Variants in SLC60A2 observed in about 807,000 individuals in gnomAD.
SLC60A2 encodes the protein major facilitator superfamily domain containing 4B.
At chr6:111,262,324 G>A in the SLC60A2 span, 1 of 1,614,080 alleles carries the variant, frequency 6.2e-7, no homozygotes, top group Non-Finnish European at 8.5e-7. Context: ...CGAAATATCA[G>A]TAGTCTGTCT....
the SLC60A2 span, chr6:111,266,089 T>A: frequency 6.2e-7 from 1 of 1,614,108 alleles, no homozygotes; most frequent in Non-Finnish European, 8.5e-7. Flanking sequence ...CTGTTTGGAG[T>A]ACCTAATGAT....
chr6:111,271,775 T>TAAAAAAAAAAAAAAAAAAAAAAA, the SLC60A2 span, among the ~76,000 whole-genome samples: 1 of 18,836 alleles, frequency 5.3e-5, no homozygotes, highest in Non-Finnish European at 9.4e-5. Context: ...CCATCTCTAC[T>TAAAAAAAAAAAAAAAAAAAAAAA]AAAAAAAAAA....
At chr6:111,272,778 C>T in the SLC60A2 span, among the ~76,000 whole-genome samples, 338 of 150,704 alleles carry the variant, frequency 2.2e-3, 1 homozygote, top group African/African-American at 7.9e-3. Flanking sequence ...TCTCAAAGTT[C>T]TGGGATTACA....
the SLC60A2 span, chr6:111,269,973 G>A: frequency 7.0e-6 from 1 of 142,460 alleles, no homozygotes; most frequent in East Asian, 2.0e-4. Flanking sequence ...ATAGACATTT[G>A]GTAATGTCTG....
At chr6:111,266,721 C>G in the SLC60A2 span, 1 of 1,614,018 alleles carries the variant, frequency 6.2e-7, no homozygotes, top group Non-Finnish European at 8.5e-7. Context: ...GCCTGTAGTT[C>G]TGTATACCTC....
At chr6:111,278,914 ATG>A in the SLC60A2 span, among the ~76,000 whole-genome samples, 5 of 152,208 alleles carry the variant, frequency 3.3e-5, no homozygotes, top group Non-Finnish European at 7.3e-5. Context: ...TGATTGCAAA[ATG>A]TGTTCTTGTC....
At chr6:111,263,755 T>C in the SLC60A2 span, 1 of 741,744 alleles carries the variant, frequency 1.3e-6, no homozygotes. Flanking sequence ...TTTGCATGTT[T>C]GGACATTTAT....
the SLC60A2 span, chr6:111,259,775 G>C: frequency 1.3e-6 from 2 of 1,533,234 alleles, no homozygotes; most frequent in African/African-American, 1.4e-5. Flanking sequence ...TTCGAGTCTT[G>C]CCTTCGCCAC....
the SLC60A2 span, chr6:111,265,329 C>G: frequency 1.0e-6 from 1 of 984,626 alleles, no homozygotes; most frequent in Non-Finnish European, 1.2e-6. Flanking sequence ...GACGTTTAGA[C>G]AGTATAAATT....
At chr6:111,266,069 C>T in the SLC60A2 span, 1 of 1,614,140 alleles carries the variant, frequency 6.2e-7, no homozygotes, top group Non-Finnish European at 8.5e-7. Flanking sequence ...CTGATGCTGA[C>T]TCAGAAGCTC....
the SLC60A2 span, among the ~76,000 whole-genome samples, chr6:111,273,057 C>T: frequency 6.6e-6 from 1 of 152,308 alleles, no homozygotes; most frequent in Non-Finnish European, 1.5e-5. Flanking sequence ...TCTCGAACTC[C>T]CGACCTCAGG....
At chr6:111,264,922 C>T in the SLC60A2 span, among the ~76,000 whole-genome samples, 3 of 151,878 alleles carry the variant, frequency 2.0e-5, no homozygotes, top group African/African-American at 7.3e-5. Context: ...GGAGAAACCG[C>T]GTCTCTACTA....
the SLC60A2 span, chr6:111,262,294 AT>A: frequency 6.2e-7 from 1 of 1,614,088 alleles, no homozygotes. Context: ...ACGTTTCAAG[AT>A]TTGGCAACAA....
chr6:111,274,089 C>T, the SLC60A2 span, among the ~76,000 whole-genome samples: 2 of 152,112 alleles, frequency 1.3e-5, no homozygotes, highest in Admixed American at 6.6e-5. Context: ...CTCCTGGGCT[C>T]AAGCATTCCT....
chr6:111,267,956 A>G, the SLC60A2 span: 2 of 152,266 alleles, frequency 1.3e-5, no homozygotes, highest in African/African-American at 4.8e-5. Context: ...TCGGGCTTCA[A>G]GCCTTGACTT....
the SLC60A2 span, among the ~76,000 whole-genome samples, chr6:111,261,656 C>T: frequency 1.9e-4 from 29 of 152,072 alleles, no homozygotes; most frequent in Non-Finnish European, 3.5e-4. Context: ...TGCAATGGTG[C>T]AGTCTCGGCT....
the SLC60A2 span, among the ~76,000 whole-genome samples, chr6:111,272,396 G>A: frequency 2.5e-4 from 38 of 151,912 alleles, no homozygotes; most frequent in Non-Finnish European, 5.0e-4. Flanking sequence ...ATTTCTTTGT[G>A]TTAGGAAAAT....
At chr6:111,266,851 C>G in the SLC60A2 span, 1 of 1,613,826 alleles carries the variant, frequency 6.2e-7, no homozygotes, top group African/African-American at 1.3e-5. Flanking sequence ...GCTCTGCTCT[C>G]TAGCTCCGGG....
At chr6:111,277,340 T>C in the SLC60A2 span, among the ~76,000 whole-genome samples, 1 of 152,110 alleles carries the variant, frequency 6.6e-6, no homozygotes, top group African/African-American at 2.4e-5. Context: ...GTGGATTGTT[T>C]GATTTTTACC....
Sources: gnomAD v4.1 joint callset for allele counts (sites outside exome capture counted in the v4.1 genomes callset) on GRCh38, gnomAD v4.1.1 for gene constraint, MANE v1.5 for transcripts, NCBI Gene and HGNC (gene_info 2026-07-23, HGNC 2026-07-21) for gene names.